ZBTB7C: variants seen among roughly 807,000 people sequenced by gnomAD.
ZBTB7C encodes the protein zinc finger and BTB domain-containing protein 7C.
In ZBTB7C, 8 loss-of-function variants were observed where a neutral mutation model predicts 25.7. The ratio of observed to expected loss-of-function variants is 0.31; its 90% CI spans 0.18 to 0.56. The LOEUF is 0.56. Among genes scored for constraint, ZBTB7C ranks in the 20% least tolerant of loss-of-function variants. The pLI is 0.91. For synonymous variants in ZBTB7C, 394 were observed against 369.0 expected, an observed-to-expected ratio of 1.07 and a Z score of -0.78; for missense variants, 824 against 855.2, an observed-to-expected ratio of 0.96 and a Z score of 0.46.
chr18:48,199,232 G>A (rs1442253175), intron 2 of ZBTB7C, among the ~76,000 whole-genome samples: 5 of 152,066 alleles, frequency 3.3e-5, no homozygotes, highest in East Asian at 3.8e-4. Context: ...ATTCATTCTC[G>A]CAGTCTGGAA....
At chr18:48,055,025 T>C (rs1364174911) in intron 3 of ZBTB7C, among the ~76,000 whole-genome samples, 2 of 152,084 alleles carry the variant, frequency 1.3e-5, no homozygotes, top group Non-Finnish European at 2.9e-5. Context: ...CTATAGAAAA[T>C]ACCTGCTTTA....
At chr18:48,134,533 T>C (rs376352754) in intron 3 of ZBTB7C, among the ~76,000 whole-genome samples, 49 of 152,298 alleles carry the variant, frequency 3.2e-4, no homozygotes, top group African/African-American at 9.4e-4. Context: ...CCATGTACGG[T>C]CTAGAGACTT....
chr18:48,196,005 C>T (rs761068112), intron 2 of ZBTB7C, among the ~76,000 whole-genome samples: 1 of 152,222 alleles, frequency 6.6e-6, no homozygotes. Context: ...TTTGGCTCAG[C>T]TGGTGGGAGC....
intron 3 of ZBTB7C, among the ~76,000 whole-genome samples, chr18:48,068,232 G>T (rs966506846): frequency 3.0e-4 from 44 of 146,040 alleles, no homozygotes; most frequent in Non-Finnish European, 6.0e-5. Context: ...TCCGCCTCCC[G>T]GGTTCACACC....
chr18:48,188,442 A>C (rs1044318565), intron 2 of ZBTB7C, among the ~76,000 whole-genome samples: 1 of 152,250 alleles, frequency 6.6e-6, no homozygotes, highest in South Asian at 2.1e-4. Flanking sequence ...TGCTACCATG[A>C]GAACGGTATG....
At chr18:48,107,109 G>A (rs1009417418) in intron 3 of ZBTB7C, among the ~76,000 whole-genome samples, 1 of 150,300 alleles carries the variant, frequency 6.7e-6, no homozygotes. Context: ...GGGGAGGAGA[G>A]AGGGGAAGAG....
intron 1 of ZBTB7C, among the ~76,000 whole-genome samples, chr18:48,344,372 A>AG (rs1274063668): frequency 1.1e-4 from 16 of 152,228 alleles, no homozygotes; most frequent in Non-Finnish European, 1.8e-4. Flanking sequence ...GCTGTTCAGT[A>AG]GGTCCCAGGT....
chr18:48,246,403 C>T (rs960122706), intron 2 of ZBTB7C, among the ~76,000 whole-genome samples: 1 of 150,822 alleles, frequency 6.6e-6, no homozygotes, highest in African/African-American at 2.4e-5. Flanking sequence ...GCACTCCAGC[C>T]TGGGCAAGAG....
intron 2 of ZBTB7C, among the ~76,000 whole-genome samples, chr18:48,291,757 G>A (rs2045235682): frequency 6.6e-6 from 1 of 152,180 alleles, no homozygotes; most frequent in Non-Finnish European, 1.5e-5. Context: ...CCATGGTGAT[G>A]GTGGCAGGGG....
intron 2 of ZBTB7C, among the ~76,000 whole-genome samples, chr18:48,209,908 A>C (rs183552690): frequency 1.1e-3 from 164 of 152,354 alleles, no homozygotes; most frequent in African/African-American, 3.6e-3. Flanking sequence ...AAAATATTTG[A>C]AAATCATATA....
chr18:48,107,075 G>GCTC (rs1332627017), intron 3 of ZBTB7C, among the ~76,000 whole-genome samples: 4 of 151,288 alleles, frequency 2.6e-5, no homozygotes, highest in African/African-American at 9.7e-5. Context: ...GACAGAGGGA[G>GCTC]GGAAGGAGGG....
At chr18:48,120,078 C>G (rs1199752213) in intron 3 of ZBTB7C, among the ~76,000 whole-genome samples, 1 of 152,162 alleles carries the variant, frequency 6.6e-6, no homozygotes, top group Non-Finnish European at 1.5e-5. Flanking sequence ...GGGGCCCAAG[C>G]TGCTGCTCTC....
intron 1 of ZBTB7C, among the ~76,000 whole-genome samples, chr18:48,342,446 G>T (rs752146649): frequency 2.0e-5 from 3 of 152,174 alleles, no homozygotes; most frequent in Non-Finnish European, 4.4e-5. Context: ...AGGCAGGATC[G>T]GGAGGCAGCC....
chr18:48,302,824 C>A (rs775178223), intron 2 of ZBTB7C, among the ~76,000 whole-genome samples: 10 of 152,244 alleles, frequency 6.6e-5, no homozygotes, highest in Non-Finnish European at 1.2e-4. Flanking sequence ...GAAACCATTT[C>A]TTTGCAGTTC....
intron 2 of ZBTB7C, among the ~76,000 whole-genome samples, chr18:48,324,317 G>C (rs1381306223): frequency 1.3e-5 from 2 of 152,132 alleles, no homozygotes; most frequent in Non-Finnish European, 2.9e-5. Flanking sequence ...CACCCCAAGA[G>C]AGCAGTGTGC....
At chr18:48,296,830 G>T (rs1050656920) in intron 2 of ZBTB7C, among the ~76,000 whole-genome samples, 4 of 151,982 alleles carry the variant, frequency 2.6e-5, no homozygotes, top group African/African-American at 9.7e-5. Context: ...GCAGAGCCAT[G>T]AGAGTCTCAC....
At chr18:48,052,288 A>C (rs1006511467) in intron 3 of ZBTB7C, among the ~76,000 whole-genome samples, 2 of 152,226 alleles carry the variant, frequency 1.3e-5, no homozygotes, top group Admixed American at 6.5e-5. Flanking sequence ...TTCTGCCCAA[A>C]GGGGCCATCT....
chr18:48,210,791 A>G (rs531932930), intron 2 of ZBTB7C, among the ~76,000 whole-genome samples: 1 of 152,324 alleles, frequency 6.6e-6, no homozygotes, highest in East Asian at 1.9e-4. Context: ...TATGCTTTAA[A>G]TGGGTGAATT....
intron 3 of ZBTB7C, among the ~76,000 whole-genome samples, chr18:48,128,185 G>A (rs890446997): frequency 3.3e-5 from 5 of 152,162 alleles, no homozygotes; most frequent in African/African-American, 1.2e-4. Flanking sequence ...GCAATGCCCC[G>A]AACCGACTGC....
Sources: gnomAD v4.1 joint callset for allele counts (sites outside exome capture counted in the v4.1 genomes callset) on GRCh38, gnomAD v4.1.1 for gene constraint, MANE v1.5 for transcripts, NCBI Gene and HGNC (gene_info 2026-07-23, HGNC 2026-07-21) for gene names.